EIF2AK4: variants seen among roughly 807,000 people sequenced by gnomAD.
The protein encoded by EIF2AK4 is eIF-2-alpha kinase GCN2.
Under a neutral mutation model 211.1 loss-of-function variants are expected in EIF2AK4, and 139 were observed. That is an observed-to-expected ratio of 0.66 (90% confidence interval 0.57 to 0.76). EIF2AK4 has a LOEUF of 0.76. Ranked by LOEUF, EIF2AK4 falls within the 30% of genes least tolerant of loss-of-function variation. The pLI is 0.00. For missense variants in EIF2AK4, 1,664 were observed against 2,043.8 expected, an observed-to-expected ratio of 0.81 and a Z score of 3.58; for synonymous variants, 710 against 751.3, an observed-to-expected ratio of 0.94 and a Z score of 0.90.
At chr15:40,022,098 C>T (rs1010079267) in intron 31 of EIF2AK4, 1 of 164,896 alleles carries the variant, frequency 6.1e-6, no homozygotes, top group Non-Finnish European at 1.3e-5. Flanking sequence ...TTCTCTGCCC[C>T]CTCCTGGTTT....
At chr15:40,029,868 C>T (rs1449040971) in intron 34 of EIF2AK4, among the ~76,000 whole-genome samples, 1 of 152,184 alleles carries the variant, frequency 6.6e-6, no homozygotes, top group Non-Finnish European at 1.5e-5. Context: ...ATAGTTATGC[C>T]TTTGCTTTCA....
chr15:39,951,383 A>T, intron 4 of EIF2AK4: 1 of 279,846 alleles, frequency 3.6e-6, no homozygotes, highest in Non-Finnish European at 7.0e-6. Flanking sequence ...CACGCTCTCC[A>T]TGTATGTGTC....
At position 40,035,065 on chromosome 15, in the gene EIF2AK4, A is replaced by G. The variant is rs760560752; in HGVS notation, c.4931A>G (p.Tyr1644Cys). ...TTTCTGTACAGCTATAGAGATGACT[A>G]CTACAGAATCTTATTTTAACCCTAA... ...VLFLYSYRDD[Y>C]YRILF Residue 1644 changes from tyrosine to cysteine, a missense_variant, in exon 39 of 39, where the codon TAC becomes TGC. Physicochemically the swap from Tyr to Cys is radical, Grantham distance 194. Around this residue, in one of 7 missense-constraint regions of EIF2AK4, gnomAD observed 138 missense variants for 165.1 expected, o/e 0.84. Transcript: ENST00000263791. 5.7e-6 allele frequency: 9 copies of G among 1,583,586 alleles called. No individual in the cohort carries two copies. Among genetic ancestry groups the G allele is most frequent in the African/African-American group, 1.3e-5 (1 of 74,710 alleles).
At chr15:39,955,554 T>C in intron 5 of EIF2AK4, 66 bp from the exon 6 acceptor site, 1 of 1,501,258 alleles carries the variant, frequency 6.7e-7, no homozygotes, top group Non-Finnish European at 9.0e-7. Flanking sequence ...AATTAATAAT[T>C]ATGTACCATG....
Position 40,025,988 on chromosome 15 carries a change from C to G in EIF2AK4, c.4401C>G (p.Phe1467Leu). 2.5e-6 allele frequency: 4 copies of G among 1,613,874 alleles called. No homozygotes were observed. The highest frequency in any genetic ancestry group is 3.4e-6 in the Non-Finnish European group (4 of 1,179,922). Residue 1467 changes from phenylalanine (F) to leucine (L), a missense_variant, in exon 33 of 39, where the codon TTC becomes TTG. Transcript: ENST00000263791. Reference protein sequence around the residue: ...KEGSHVKVKSFEKERQTEKRV... With the variant: ...KEGSHVKVKSLEKERQTEKRV... ...TCATTCTTTTTAAGGTTAAGTCTTTCGAGAAGGAAAGGCAGACAGAGAAGC... is the reference window on the plus strand; with the variant it reads ...TCATTCTTTTTAAGGTTAAGTCTTTGGAGAAGGAAAGGCAGACAGAGAAGC...
intron 3 of EIF2AK4, among the ~76,000 whole-genome samples, chr15:39,948,525 T>C (rs2034260845): frequency 6.6e-6 from 1 of 152,250 alleles, no homozygotes; most frequent in Non-Finnish European, 1.5e-5. Flanking sequence ...TTCTTCCACA[T>C]TCTATCTGTG....
rs762685177 is a variant in EIF2AK4 at position 39,936,707 on chromosome 15, C to G, written c.144+2368C>G. The stretch of plus-strand genomic sequence containing the variant: ...TACAGGTGTGAGCCACCGTGCCCAG[C>G]CTTTTATCCAAAACTCTTGAGACTT... On this transcript the variant is annotated intron_variant, in intron 1 of 38. Coordinates refer to ENST00000263791, the MANE Select transcript of EIF2AK4 (RefSeq NM_001013703.4). 3.9e-5 allele frequency among the ~76,000 whole-genome samples: 6 copies of G among 152,168 alleles called. No individual in the cohort carries two copies. In the South Asian group the frequency reaches 6.2e-4, roughly 16 times the overall value.
intron 6 of EIF2AK4, among the ~76,000 whole-genome samples, chr15:39,959,237 C>G (rs938616572): frequency 6.6e-6 from 1 of 152,118 alleles, no homozygotes; most frequent in Non-Finnish European, 1.5e-5. Context: ...GTACAGAAGT[C>G]GTTTTACTTA....
At chr15:39,978,034 A>G in intron 12 of EIF2AK4, 44 bp from the exon 13 acceptor site, 1 of 1,385,696 alleles carries the variant, frequency 7.2e-7, no homozygotes, top group South Asian at 1.2e-5. Context: ...TATAATGATA[A>G]TAGGGATTTC....
At position 39,992,175 on chromosome 15, in the gene EIF2AK4, G is replaced by A. The variant is rs764964709; in HGVS notation, c.2632G>A (p.Ala878Thr). 2 of 1,610,646 alleles carry A rather than the reference G, an allele frequency of 1.2e-6. No individual in the cohort carries two copies. The highest frequency in any genetic ancestry group is 8.5e-7 in the Non-Finnish European group (1 of 1,178,350). Reference sequence around the variant, plus strand: ...ATATTTGGCTTACTTATATTTTTAGGCTGACAGCAAACAAGACGATCAGAC... The same window carrying A: ...ATATTTGGCTTACTTATATTTTTAGACTGACAGCAAACAAGACGATCAGAC... ...GLATDHLAFS[A>T]DSKQDDQTGD... The change falls in exon 17 of 39, where the codon GCT becomes ACT. Residue 878 changes from alanine (A) to threonine (T), a missense_variant and splice_region_variant. Ala to Thr is a moderately conservative substitution (Grantham distance 58, BLOSUM62 0). Transcript: ENST00000263791.
intron 15 of EIF2AK4, 113 bp downstream of exon 15, chr15:39,988,218 G>A: frequency 8.9e-7 from 1 of 1,126,534 alleles, no homozygotes; most frequent in South Asian, 1.5e-5. Flanking sequence ...AAAGCTATGG[G>A]TATATTGACA....
rs1467305452 is a variant in EIF2AK4 at position 40,035,398 on chromosome 15, T to TTGAGGCTGCAGTGAGC, written c.*317_*332dup. 1.1e-5 allele frequency: 2 copies of TTGAGGCTGCAGTGAGC among 181,750 alleles called. No individual in the cohort carries two copies. Among genetic ancestry groups the TTGAGGCTGCAGTGAGC allele is most frequent in the Non-Finnish European group, 2.2e-5 (2 of 88,964 alleles). 11.3% of individuals were successfully genotyped at this position (181,750 alleles called of 1,614,324 possible). A position where few individuals can be genotyped will look rare whatever the true frequency, so the allele number is the denominator to read the frequency against. The stretch of plus-strand genomic sequence containing the variant: ...GATGGATCATCTGAGCCTCAGGAGG[T>TTGAGGCTGCAGTGAGC]TGAGGCTGCAGTGAGCTGTGACTGC... On this transcript the variant is annotated 3_prime_UTR_variant, in exon 39 of 39. Coordinates refer to ENST00000263791, the MANE Select transcript of EIF2AK4 (RefSeq NM_001013703.4).
chr15:40,022,679 CCCGGG>C, intron 32 of EIF2AK4, 74 bp downstream of exon 32: 1 of 1,352,994 alleles, frequency 7.4e-7, no homozygotes, highest in Non-Finnish European at 1.1e-6. Context: ...CACACTGAGG[CCCGGG>C]CCGTGTAGGT....
In EIF2AK4 at chr15:39,934,209, G is replaced by T; in HGVS notation, c.14G>T (p.Arg5Leu). 1.3e-6 allele frequency: 2 copies of T among 1,575,682 alleles called. No individual in the cohort carries two copies. The highest frequency in any genetic ancestry group is 1.7e-6 in the Non-Finnish European group (2 of 1,162,174). ...CGCAGCGCTGCCATGGCTGGGGGCC[G>T]TGGGGCCCCCGGGCGCGGCCGGGAC... MAGG[R>L]GAPGRGRDEP... The change falls in exon 1 of 39, where the codon CGT (arginine) becomes CTT (leucine). Residue 5 changes from arginine to leucine, a missense_variant. Physicochemically the swap from Arg to Leu is moderately radical, Grantham distance 102 (BLOSUM62 -2). This residue lies in a region of EIF2AK4 where 641 missense variants were observed against 729.6 expected (regional missense o/e 0.88). Coordinates refer to ENST00000263791, the MANE Select transcript of EIF2AK4 (RefSeq NM_001013703.4).
At chr15:39,977,966 C>T (rs2034724526) in intron 12 of EIF2AK4, 112 bp from the exon 13 acceptor site, 1 of 646,240 alleles carries the variant, frequency 1.5e-6, no homozygotes, top group Non-Finnish European at 2.7e-6. Context: ...TGCCTGTGGG[C>T]TCATGGTGTG....
chr15:40,034,493 GC>G (rs1183885575), intron 38 of EIF2AK4, 49 bp downstream of exon 38: 26 of 1,436,034 alleles, frequency 1.8e-5, no homozygotes, highest in Non-Finnish European at 2.2e-5. Context: ...AAAATTCAGG[GC>G]GGGGGGTTTC....
At chr15:39,963,681 C>A (rs1261700836) in intron 7 of EIF2AK4, among the ~76,000 whole-genome samples, 1 of 152,146 alleles carries the variant, frequency 6.6e-6, no homozygotes, top group Non-Finnish European at 1.5e-5. Context: ...AGACTGTCTG[C>A]ATAAATGATC....
intron 28 of EIF2AK4, 96 bp downstream of exon 28, chr15:40,016,768 T>G (rs1390312104): frequency 7.0e-7 from 1 of 1,422,710 alleles, no homozygotes; most frequent in Non-Finnish European, 9.5e-7. Context: ...TAGTTAGTGT[T>G]TTATTTTTCC....
rs34513040 is a variant in EIF2AK4 at position 39,943,033 on chromosome 15, T to C, written c.258-350T>C. 0.093 allele frequency among the ~76,000 whole-genome samples: 14,070 copies of C among 152,084 alleles called. 815 individuals are homozygous for C. Among genetic ancestry groups the C allele is most frequent in the Middle Eastern group, 0.24 (72 of 294 alleles). Reference sequence around the variant, plus strand: ...GTCAGCTGCAGAACTGGAATGATTTTTTTTTTTTTTTAAGGTGAAGAACTC... The same window carrying C: ...GTCAGCTGCAGAACTGGAATGATTTCTTTTTTTTTTTAAGGTGAAGAACTC... On this transcript the variant is annotated intron_variant, in intron 2 of 38. Transcript: ENST00000263791.
Sources: allele counts gnomAD v4.1 joint callset (sites outside exome capture counted in the v4.1 genomes callset), GRCh38; gene constraint gnomAD v4.1.1; regional missense constraint gnomAD v4.1.1; transcripts MANE v1.5; gene names NCBI Gene and HGNC (gene_info 2026-07-23, HGNC 2026-07-21).